Variants in TKTL1 observed in about 807,000 individuals in gnomAD.
TKTL1 encodes the protein transketolase-like protein 1.
A neutral mutation model predicts 39.3 loss-of-function variants in TKTL1; 1 was observed. The observed-to-expected ratio is 0.03, with a 90% confidence interval of 0.01 to 0.12. The LOEUF is 0.12. Ranked by LOEUF, TKTL1 falls within the 10% of genes least tolerant of loss-of-function variation. The pLI is 1.00. For synonymous variants in TKTL1, 262 were observed against 193.8 expected, an observed-to-expected ratio of 1.35 and a Z score of -2.92; for missense variants, 575 against 509.6, an observed-to-expected ratio of 1.13 and a Z score of -1.24.
chrX:154,303,584 C>G (rs2067292329), intron 1 of TKTL1, among the ~76,000 whole-genome samples: 1 of 104,135 alleles, frequency 9.6e-6, no homozygotes, highest in Non-Finnish European at 2.0e-5. Flanking sequence ...CTTTCCTCCT[C>G]ACACCTCCTG....
At chrX:154,306,471 C>CA (rs1398039217) in intron 2 of TKTL1, among the ~76,000 whole-genome samples, 22 of 111,314 alleles carry the variant, frequency 2.0e-4, no homozygotes, top group African/African-American at 6.5e-4. Flanking sequence ...AATGGTTTGG[C>CA]AAAAAATAAA....
At chrX:154,300,613 C>T (rs1557165709) in intron 1 of TKTL1, among the ~76,000 whole-genome samples, 1 of 111,873 alleles carries the variant, frequency 8.9e-6, no homozygotes, top group Non-Finnish European at 1.9e-5. Flanking sequence ...GATTTGTGTG[C>T]ATTTATTTTG....
chrX:154,302,441 A>G lies in TKTL1; in HGVS notation c.135-2863A>G, dbSNP rs782221942. On this transcript the variant is annotated intron_variant, in intron 1 of 12. Transcript: ENST00000369915. ...CCAAGATCAAGGTGCTAGCATGGTCAGTTCTGGCGAGGACCTGCTACTGGG... is the reference window on the plus strand; with the variant it reads ...CCAAGATCAAGGTGCTAGCATGGTCGGTTCTGGCGAGGACCTGCTACTGGG... Among the ~76,000 whole-genome samples the G allele has an allele frequency of 4.5e-5, 5 of 111,205 alleles. No individual in the cohort carries two copies. The East Asian group carries it at 1.4e-3, about 31-fold the overall frequency.
chrX:154,308,595 C>G (rs2067332906), intron 2 of TKTL1, among the ~76,000 whole-genome samples: 1 of 111,727 alleles, frequency 9.0e-6, no homozygotes. Context: ...TGTTTAAGAC[C>G]AGGTCGAAAT....
chrX:154,299,643 A>G (rs971563146), intron 1 of TKTL1, among the ~76,000 whole-genome samples: 18 of 110,600 alleles, frequency 1.6e-4, no homozygotes, highest in African/African-American at 5.9e-4. Context: ...CTCCTCCCCA[A>G]AGTCCGTTAT....
chrX:154,310,329 G>C (rs782606956), intron 3 of TKTL1, among the ~76,000 whole-genome samples: 1 of 111,408 alleles, frequency 9.0e-6, no homozygotes, highest in South Asian at 3.8e-4. Context: ...ATGGTGGCGT[G>C]GGCCTGTAGG....
chrX:154,327,755 G>A lies in TKTL1; in HGVS notation c.1498+68G>A, dbSNP rs2067503925. 5 of 1,197,396 alleles carry A rather than the reference G, an allele frequency of 4.2e-6. No homozygotes were observed. In the Admixed American group the frequency reaches 1.1e-4, roughly 26 times the overall value. On this transcript the variant is annotated intron_variant, in intron 11 of 12. Coordinates refer to ENST00000369915, the MANE Select transcript of TKTL1 (RefSeq NM_012253.4). ...AGGTAGGACTTCAGCTACCTCCTGT[G>A]CCCTGAGTGCTCTTTTTATTTTTAT... is the stretch of plus-strand genomic sequence containing the variant.
intron 2 of TKTL1, among the ~76,000 whole-genome samples, chrX:154,307,019 G>A (rs989400945): frequency 3.8e-5 from 4 of 106,300 alleles, no homozygotes; most frequent in Non-Finnish European, 7.6e-5. Flanking sequence ...GGAAAGGCTG[G>A]GTACAGTGGC....
At chrX:154,311,500 G>A (rs1557168364) in intron 5 of TKTL1, among the ~76,000 whole-genome samples, 2 of 111,839 alleles carry the variant, frequency 1.8e-5, no homozygotes, top group African/African-American at 6.5e-5. Context: ...GCCCATCGGA[G>A]GACTGACAGG....
In TKTL1 at chrX:154,301,595, A is replaced by G. The variant is rs185094597; in HGVS notation, c.135-3709A>G. Among the ~76,000 whole-genome samples the G allele has an allele frequency of 8.9e-5, 10 of 112,306 alleles. No individual in the cohort carries two copies. In the East Asian group the frequency reaches 1.7e-3, roughly 19 times the overall value. ...CAGTGTGGATGCAGTTAAGAACCATATATGTCTGAATTTTTTGTACATGTT... is the reference window on the plus strand; with the variant it reads ...CAGTGTGGATGCAGTTAAGAACCATGTATGTCTGAATTTTTTGTACATGTT... On this transcript the variant is annotated intron_variant, in intron 1 of 12. Coordinates refer to ENST00000369915, the MANE Select transcript of TKTL1 (RefSeq NM_012253.4).
At chrX:154,298,443 G>A (rs1238557707) in intron 1 of TKTL1, among the ~76,000 whole-genome samples, 1 of 112,175 alleles carries the variant, frequency 8.9e-6, no homozygotes, top group Non-Finnish European at 1.9e-5. Context: ...TAGGGGAGGT[G>A]GCTCACGCCT....
intron 9 of TKTL1, 130 bp downstream of exon 9, chrX:154,323,467 C>A: frequency 1.3e-6 from 1 of 799,073 alleles, no homozygotes; most frequent in Non-Finnish European, 1.8e-6. Context: ...TGATAGAATT[C>A]TTTACAAAAA....
At chrX:154,305,904 G>A (rs2067311439) in intron 2 of TKTL1, among the ~76,000 whole-genome samples, 1 of 111,792 alleles carries the variant, frequency 8.9e-6, no homozygotes, top group South Asian at 3.7e-4. Context: ...ACTTCATGAA[G>A]TATCATGGGT....
At position 154,323,411 on chromosome X, in the gene TKTL1, C is replaced by CT. The variant is rs201543735; in HGVS notation, c.1317+82dup. Reference sequence around the variant, plus strand: ...TGCTAGTTTCATACTGATGATTGGACTTTTTTTTCTCAACATAAAAGTGAT... The same window carrying CT: ...TGCTAGTTTCATACTGATGATTGGACTTTTTTTTTCTCAACATAAAAGTGAT... On this transcript the variant is annotated intron_variant, in intron 9 of 12. Transcript: ENST00000369915. The CT allele has an allele frequency of 7.4e-3, 7,963 of 1,075,405 alleles. 405 individuals carry two copies. In the African/African-American group the frequency reaches 0.14, roughly 18 times the overall value. 88.6% of individuals were successfully genotyped at this position (1,075,405 alleles called of 1,213,427 possible). A position where few individuals can be genotyped will look rare whatever the true frequency, so the allele number is the denominator to read the frequency against.
At chrX:154,301,210 C>A (rs2067270988) in intron 1 of TKTL1, among the ~76,000 whole-genome samples, 1 of 110,560 alleles carries the variant, frequency 9.0e-6, no homozygotes, top group African/African-American at 3.3e-5. Context: ...ATACTTAGTG[C>A]AATATGTTTT....
intron 12 of TKTL1, among the ~76,000 whole-genome samples, chrX:154,328,863 G>A: frequency 8.9e-6 from 1 of 111,887 alleles, no homozygotes; most frequent in Non-Finnish European, 1.9e-5. Flanking sequence ...GGATCCACCA[G>A]GGCAGGAACC....
intron 3 of TKTL1, 134 bp downstream of exon 3, chrX:154,309,576 C>T (rs1337329156): frequency 5.5e-6 from 3 of 544,072 alleles, no homozygotes; most frequent in Non-Finnish European, 6.1e-6. Flanking sequence ...CCGTGGTGAC[C>T]CCTCTGGAAG....
At chrX:154,303,309 C>G (rs1313256234) in intron 1 of TKTL1, among the ~76,000 whole-genome samples, 1 of 101,499 alleles carries the variant, frequency 9.9e-6, no homozygotes, top group Non-Finnish European at 2.0e-5. Flanking sequence ...ACCTCCTGGG[C>G]TTAAGCAACC....
At chrX:154,315,150 A>G (rs2067388052) in intron 6 of TKTL1, 23 bp from the exon 7 acceptor site, 1 of 1,200,748 alleles carries the variant, frequency 8.3e-7, no homozygotes, top group Non-Finnish European at 1.1e-6. Context: ...AAACTCTACC[A>G]CCTGATTGTC....
Sources: gnomAD v4.1 joint callset for allele counts (sites outside exome capture counted in the v4.1 genomes callset) on GRCh38, gnomAD v4.1.1 for gene constraint, MANE v1.5 for transcripts, NCBI Gene and HGNC (gene_info 2026-07-23, HGNC 2026-07-21) for gene names.